GDA: variants seen among roughly 807,000 people sequenced by gnomAD.
GDA encodes the protein guanine deaminase.
In GDA, 18 loss-of-function variants were observed where a neutral mutation model predicts 59.6. The observed-to-expected ratio is 0.30, with a 90% CI of 0.21 to 0.45. The LOEUF (loss-of-function observed/expected upper bound fraction) is 0.45. Ranked by LOEUF, GDA falls within the 20% of genes least tolerant of loss-of-function variation. GDA has a pLI of 1.00. For missense variants in GDA, 427 were observed against 552.3 expected, an observed-to-expected ratio of 0.77 and a Z score of 2.27; for synonymous variants, 201 against 201.1, an observed-to-expected ratio of 1.00 and a Z score of 0.00.
intron 1 of GDA, among the ~76,000 whole-genome samples, chr9:72,153,825 A>C (rs1431232596): frequency 1.3e-5 from 1 of 74,360 alleles, no homozygotes; most frequent in Admixed American, 1.9e-4. Flanking sequence ...GGGTGGGGGG[A>C]GGGGGGAGGG....
intron 1 of GDA, among the ~76,000 whole-genome samples, chr9:72,153,507 G>T (rs112295766): frequency 9.9e-4 from 149 of 150,590 alleles, no homozygotes; most frequent in Non-Finnish European, 1.9e-3. Context: ...TATAAATCAT[G>T]CTGCTATAAA....
rs563960098 is a variant in GDA at position 72,162,758 on chromosome 9, C to T, written c.123+13076C>T. On this transcript the variant is annotated intron_variant, in intron 1 of 13. Coordinates refer to ENST00000358399, the MANE Select transcript of GDA (RefSeq NM_004293.5). ...CTGCAAGCTCCGCCTCCCGGGTTCA[C>T]GCCATTCTCCTGCCTCAGCCTCCCC... 1.6e-4 allele frequency among the ~76,000 whole-genome samples: 25 copies of T among 151,930 alleles called. No homozygotes were observed. In the East Asian group the frequency reaches 3.5e-3, roughly 21 times the overall value.
intron 7 of GDA, among the ~76,000 whole-genome samples, chr9:72,224,037 T>C (rs1837236034): frequency 6.6e-6 from 1 of 152,236 alleles, no homozygotes; most frequent in African/African-American, 2.4e-5. Context: ...CAGCCTATAA[T>C]TTTTGAATTT....
In GDA at chr9:72,248,321, T is replaced by C; in HGVS notation, c.1344T>C (p.Val448=). 6.2e-7 allele frequency: 1 copy of C among 1,613,668 alleles called. No individual in the cohort carries two copies. Among genetic ancestry groups the C allele is most frequent in the Non-Finnish European group, 8.5e-7 (1 of 1,179,600 alleles). ...TTTATGTGGGCGGAAAGCAGGTGGT[T>C]CCGTTTTCCAGCTCAGTGTAAGACC... ...EEVYVGGKQV[V]PFSSSV is the part of the protein sequence containing the mutation. The change falls in exon 14 of 14, where the codon GTT becomes GTC. Residue 448 remains valine, a synonymous_variant. Coordinates refer to ENST00000358399, the MANE Select transcript of GDA (RefSeq NM_004293.5).
chr9:72,124,473 G>C (rs1825778207), intron 1 of GDA, among the ~76,000 whole-genome samples: 1 of 152,126 alleles, frequency 6.6e-6, no homozygotes, highest in Non-Finnish European at 1.5e-5. Flanking sequence ...ATGAGAACCA[G>C]TGGAATTTAG....
intron 1 of GDA, among the ~76,000 whole-genome samples, chr9:72,163,650 GC>G (rs1828935983): frequency 1.3e-5 from 2 of 152,106 alleles, no homozygotes; most frequent in Admixed American, 6.5e-5. Context: ...CCGCCACCAT[GC>G]CTGGCTAATT....
In GDA at chr9:72,249,917, T is replaced by G; in HGVS notation, c.*1575T>G. The G allele has an allele frequency of 1.0e-6, 1 of 958,898 alleles. No homozygotes were observed. Among genetic ancestry groups the G allele is most frequent in the Non-Finnish European group, 1.2e-6 (1 of 805,736 alleles). 59.4% of individuals were successfully genotyped at this position (958,898 alleles called of 1,614,324 possible). Reference sequence around the variant, plus strand: ...AATTTAGCAGTAATTGGCCCAGTTTTTTCCCTAATAGAAATACTTTTAGAT... The same window carrying G: ...AATTTAGCAGTAATTGGCCCAGTTTGTTCCCTAATAGAAATACTTTTAGAT... On this transcript the variant is annotated 3_prime_UTR_variant, in exon 14 of 14. Coordinates refer to ENST00000358399, the MANE Select transcript of GDA (RefSeq NM_004293.5).
rs529388600 is a variant in GDA, at chr9:72,157,497, TTACTGGCCTTTCCAGGCA to T, written c.123+7816_123+7833del. ...AATAACTACCTTCTCCTTCTTCTCC[TTACTGGCCTTTCCAGGCA>T]CCCATATCAATAGTCAAGCCCAGCC... On this transcript the variant is annotated intron_variant, in intron 1 of 13. Transcript: ENST00000358399. Among the ~76,000 whole-genome samples the T allele has an allele frequency of 1.2e-4, 19 of 152,386 alleles. No homozygotes were observed. The East Asian group carries it at 3.3e-3, about 26-fold the overall frequency.
chr9:72,206,955 T>C (rs1834798670), intron 3 of GDA, among the ~76,000 whole-genome samples: 1 of 152,014 alleles, frequency 6.6e-6, no homozygotes. Flanking sequence ...TTTTTTTGAC[T>C]CTTGAACAAT....
At chr9:72,119,378 G>A (rs1421249090) in intron 1 of GDA, among the ~76,000 whole-genome samples, 3 of 152,100 alleles carry the variant, frequency 2.0e-5, no homozygotes, top group Admixed American at 6.6e-5. Context: ...GGTGGCTCAC[G>A]CCTGTAGTCC....
At position 72,232,001 on chromosome 9, in the gene GDA, C is replaced by T. The variant is rs145298128; in HGVS notation, c.988+820C>T. Among the ~76,000 whole-genome samples, 440 of 152,326 alleles carry T rather than the reference C, an allele frequency of 2.9e-3. 3 individuals are homozygous for T. The highest frequency in any genetic ancestry group is 9.7e-3 in the African/African-American group (402 of 41,566). On this transcript the variant is annotated intron_variant, in intron 10 of 13. Coordinates refer to ENST00000358399, the MANE Select transcript of GDA (RefSeq NM_004293.5). Reference sequence around the variant, plus strand: ...GTTCTAAGTGCATATGAATTAGTGACGGATTAGTGATGTTTCCTTTCTTCA... The same window carrying T: ...GTTCTAAGTGCATATGAATTAGTGATGGATTAGTGATGTTTCCTTTCTTCA...
intron 2 of GDA, among the ~76,000 whole-genome samples, chr9:72,199,881 C>A (rs962830094): frequency 6.6e-6 from 1 of 152,092 alleles, no homozygotes; most frequent in Non-Finnish European, 1.5e-5. Context: ...CAGTCTTACT[C>A]CTGAAGTCGA....
intron 1 of GDA, among the ~76,000 whole-genome samples, chr9:72,189,041 C>A (rs1158496839): frequency 6.6e-6 from 1 of 152,108 alleles, no homozygotes; most frequent in Non-Finnish European, 1.5e-5. Context: ...CCTATGCTTG[C>A]CCCACCATTG....
chr9:72,254,093 A>G (rs1045361600), downstream of GDA, among the ~76,000 whole-genome samples: 1 of 152,208 alleles, frequency 6.6e-6, no homozygotes, highest in African/African-American at 2.4e-5. Flanking sequence ...CAATGGCAGC[A>G]GGTGTTTTGT....
chr9:72,143,493 G>A (rs532334465), intron 1 of GDA, among the ~76,000 whole-genome samples: 2 of 152,140 alleles, frequency 1.3e-5, no homozygotes, highest in East Asian at 1.9e-4. Flanking sequence ...TTTTACTAAC[G>A]TGCTACCTGA....
At position 72,229,609 on chromosome 9, in the gene GDA, C is replaced by T. The variant is rs937427647; in HGVS notation, c.921-1505C>T. ...TGGGTTGTTGTTGAGGGCTCCTGGG[C>T]AGAGTGGAGAAGAGTATTAATTCCC... On this transcript the variant is annotated intron_variant, in intron 9 of 13. Coordinates refer to ENST00000358399, the MANE Select transcript of GDA (RefSeq NM_004293.5). 2.0e-5 allele frequency among the ~76,000 whole-genome samples: 3 copies of T among 152,128 alleles called. 1 individual carries two copies. In the East Asian group the frequency reaches 5.8e-4, roughly 29 times the overall value.
intron 2 of GDA, among the ~76,000 whole-genome samples, chr9:72,196,838 C>T (rs1168647185): frequency 6.7e-6 from 1 of 150,088 alleles, no homozygotes; most frequent in South Asian, 2.1e-4. Context: ...TGAGAACATG[C>T]GGTGTTTGGT....
chr9:72,130,479 C>A (rs1825989058), intron 1 of GDA, among the ~76,000 whole-genome samples: 1 of 152,220 alleles, frequency 6.6e-6, no homozygotes, highest in African/African-American at 2.4e-5. Context: ...TGAGTCTCAA[C>A]ATCTTGCTGA....
chr9:72,134,834 C>T (rs1826160577), intron 1 of GDA, among the ~76,000 whole-genome samples: 1 of 152,214 alleles, frequency 6.6e-6, no homozygotes, highest in African/African-American at 2.4e-5. Context: ...AGTAGAAGAG[C>T]TTCCACTTGA....
Sources: gnomAD v4.1 joint callset for allele counts (sites outside exome capture counted in the v4.1 genomes callset) on GRCh38, gnomAD v4.1.1 for gene constraint, MANE v1.5 for transcripts, NCBI Gene and HGNC (gene_info 2026-07-23, HGNC 2026-07-21) for gene names.